Variants in PCDH9 observed in about 807,000 individuals in gnomAD.
PCDH9 encodes protocadherin 9.
PCDH9 carries 24 observed loss-of-function variants against 70.6 expected under a neutral mutation model. That is an observed-to-expected ratio of 0.34 (90% CI 0.25 to 0.48). The LOEUF is 0.48. Among genes scored for constraint, PCDH9 ranks in the 20% least tolerant of loss-of-function variants. The probability of loss-of-function intolerance (pLI) is 0.99; values close to 1 mark genes in which losing one functional copy is unlikely to be tolerated. For synonymous variants in PCDH9, 562 were observed against 558.5 expected (o/e 1.01, Z -0.09); for missense variants, 1,281 against 1,503.6 (o/e 0.85, Z 2.45).
chr13:66,503,282 G>A (rs1473448653), intron 4 of PCDH9, among the ~76,000 whole-genome samples: 2 of 152,128 alleles, frequency 1.3e-5, no homozygotes, highest in Non-Finnish European at 2.9e-5. Flanking sequence ...GAAACATTAA[G>A]GCATTGTTTG....
chr13:66,556,543 C>G (rs1237617353), intron 4 of PCDH9, among the ~76,000 whole-genome samples: 2 of 152,048 alleles, frequency 1.3e-5, no homozygotes, highest in East Asian at 3.9e-4. Flanking sequence ...TACAGGAAAA[C>G]AAATAGGATA....
intron 2 of PCDH9, among the ~76,000 whole-genome samples, chr13:67,044,615 T>C (rs2085187388): frequency 6.6e-6 from 1 of 152,174 alleles, no homozygotes; most frequent in Non-Finnish European, 1.5e-5. Flanking sequence ...GTACCATAAA[T>C]GAAATGGCAG....
intron 2 of PCDH9, among the ~76,000 whole-genome samples, chr13:67,026,504 C>T (rs540158484): frequency 7.9e-5 from 12 of 152,182 alleles, no homozygotes; most frequent in African/African-American, 2.9e-4. Context: ...AAACTGGCAT[C>T]AGACAGGGAT....
intron 4 of PCDH9, among the ~76,000 whole-genome samples, chr13:66,446,384 A>G (rs1003562513): frequency 1.3e-5 from 2 of 152,116 alleles, no homozygotes; most frequent in Admixed American, 1.3e-4. Flanking sequence ...GTGGATTTGC[A>G]TGTTTATGCC....
chr13:66,717,521 A>G (rs2078887369), intron 3 of PCDH9, among the ~76,000 whole-genome samples: 1 of 143,196 alleles, frequency 7.0e-6, no homozygotes, highest in Non-Finnish European at 1.5e-5. Flanking sequence ...ATATATGTAT[A>G]GGCTACAAAC....
intron 3 of PCDH9, among the ~76,000 whole-genome samples, chr13:66,892,278 T>TTA (rs1321822308): frequency 6.7e-6 from 1 of 149,574 alleles, no homozygotes; most frequent in Non-Finnish European, 1.5e-5. Flanking sequence ...TGTAAGTAGA[T>TTA]TATATATATA....
intron 3 of PCDH9, among the ~76,000 whole-genome samples, chr13:66,790,419 G>C (rs1480171167): frequency 6.6e-6 from 1 of 151,874 alleles, no homozygotes; most frequent in Admixed American, 6.6e-5. Context: ...CACAAAGAGA[G>C]GTTCTAATTT....
chr13:66,846,821 T>C (rs921647928), intron 3 of PCDH9, among the ~76,000 whole-genome samples: 5 of 152,016 alleles, frequency 3.3e-5, no homozygotes, highest in African/African-American at 1.2e-4. Context: ...TAGTAAAACT[T>C]GCTATGAAAG....
intron 3 of PCDH9, among the ~76,000 whole-genome samples, chr13:66,675,344 A>G (rs113802307): frequency 6.6e-6 from 1 of 152,156 alleles, no homozygotes; most frequent in Non-Finnish European, 1.5e-5. Flanking sequence ...CGCAATTTAA[A>G]ATAATATTAT....
intron 2 of PCDH9, among the ~76,000 whole-genome samples, chr13:67,026,862 G>A (rs977740798): frequency 1.3e-5 from 2 of 152,206 alleles, no homozygotes; most frequent in South Asian, 2.1e-4. Flanking sequence ...TACAAGGGAC[G>A]TGAAGGACCT....
At chr13:66,888,204 T>C (rs1383828275) in intron 3 of PCDH9, among the ~76,000 whole-genome samples, 3 of 152,130 alleles carry the variant, frequency 2.0e-5, no homozygotes, top group Admixed American at 6.6e-5. Context: ...CTCAAAAAAA[T>C]GGACCACCAG....
At chr13:66,355,055 G>A (rs1304072688) in intron 4 of PCDH9, among the ~76,000 whole-genome samples, 2 of 152,082 alleles carry the variant, frequency 1.3e-5, no homozygotes, top group Non-Finnish European at 2.9e-5. Context: ...GGATCACACT[G>A]GAGTGACAGG....
chr13:66,801,298 G>A (rs1266155533), intron 3 of PCDH9, among the ~76,000 whole-genome samples: 9 of 152,068 alleles, frequency 5.9e-5, no homozygotes, highest in Admixed American at 5.9e-4. Flanking sequence ...TAAAATGTAA[G>A]TAGTGACCAA....
chr13:66,553,323 A>T (rs1204276727), intron 4 of PCDH9, among the ~76,000 whole-genome samples: 1 of 152,160 alleles, frequency 6.6e-6, no homozygotes, highest in Non-Finnish European at 1.5e-5. Flanking sequence ...TACTTGTGGA[A>T]TGGATTATTG....
chr13:66,343,727 A>G (rs1222617918), intron 4 of PCDH9, among the ~76,000 whole-genome samples: 1 of 152,190 alleles, frequency 6.6e-6, no homozygotes, highest in Non-Finnish European at 1.5e-5. Context: ...ACATCCAATT[A>G]CATCTGCAAG....
intron 2 of PCDH9, among the ~76,000 whole-genome samples, chr13:67,179,668 G>A (rs972096589): frequency 3.9e-5 from 6 of 152,030 alleles, no homozygotes; most frequent in African/African-American, 1.4e-4. Flanking sequence ...CTAGCAATAA[G>A]AGAAGTTTTC....
intron 3 of PCDH9, among the ~76,000 whole-genome samples, chr13:66,669,212 C>T (rs1038421671): frequency 6.6e-6 from 1 of 152,070 alleles, no homozygotes; most frequent in African/African-American, 2.4e-5. Flanking sequence ...AGAATAAAAA[C>T]GTAAAGCTAA....
chr13:66,390,219 G>A (rs1326088961), intron 4 of PCDH9, among the ~76,000 whole-genome samples: 2 of 152,174 alleles, frequency 1.3e-5, no homozygotes, highest in African/African-American at 4.8e-5. Context: ...GCGGATGAAT[G>A]GCAAGCATGA....
intron 2 of PCDH9, among the ~76,000 whole-genome samples, chr13:67,151,429 C>G (rs979628666): frequency 1.3e-5 from 2 of 152,000 alleles, no homozygotes; most frequent in African/African-American, 4.8e-5. Context: ...TTGTGGGTGT[C>G]TGTGTCTGAG....
Sources: allele counts gnomAD v4.1 joint callset (sites outside exome capture counted in the v4.1 genomes callset), GRCh38; gene constraint gnomAD v4.1.1; transcripts MANE v1.5; gene names NCBI Gene and HGNC (gene_info 2026-07-23, HGNC 2026-07-21).